Variants in STK3 observed in about 807,000 individuals in gnomAD.
The protein encoded by STK3 is serine/threonine-protein kinase 3.
STK3 carries 41 observed loss-of-function variants against 58.0 expected under a neutral mutation model. That is an observed-to-expected ratio of 0.71 (90% CI 0.55 to 0.92). STK3 has a LOEUF of 0.92. STK3 is among the 40% of genes least tolerant of loss of function. The pLI, the probability that STK3 is intolerant of heterozygous loss-of-function variation, is 0.00. For synonymous variants in STK3, 170 were observed against 191.0 expected, an observed-to-expected ratio of 0.89 and a Z score of 0.91; for missense variants, 479 against 602.7, an observed-to-expected ratio of 0.79 and a Z score of 2.15.
chr8:98,602,704 C>T (rs1437341973), intron 6 of STK3, among the ~76,000 whole-genome samples: 3 of 152,064 alleles, frequency 2.0e-5, no homozygotes, highest in African/African-American at 7.2e-5. Flanking sequence ...CCCCAAAATC[C>T]TGCTAAAGTA....
chr8:98,909,543 A>G (rs1209983314), intron 1 of STK3, among the ~76,000 whole-genome samples: 1 of 152,194 alleles, frequency 6.6e-6, no homozygotes, highest in Non-Finnish European at 1.5e-5. Context: ...CAAGTAACCT[A>G]TGATCTAATT....
intron 6 of STK3, among the ~76,000 whole-genome samples, chr8:98,701,769 C>T (rs976022513): frequency 6.6e-6 from 1 of 152,030 alleles, no homozygotes; most frequent in South Asian, 2.1e-4. Context: ...ATGTGGTTAA[C>T]TGAATTCAAA....
Position 98,716,265 on chromosome 8 carries a change from C to A in STK3, c.352-8954G>T, listed in dbSNP as rs572986085. ...TAACCTGCATGTTGTGCACATGTAC[C>A]CTAAAACTTAAAGTATAATAAAAAA... On this transcript the variant is annotated intron_variant, in intron 4 of 10. Transcript: ENST00000419617. Among the ~76,000 whole-genome samples, 116 of 151,652 alleles carry A rather than the reference C, an allele frequency of 7.6e-4. 1 individual carries two copies. The highest frequency in any genetic ancestry group is 2.8e-3 in the African/African-American group (115 of 41,302).
At chr8:98,544,025 A>G (rs1586823527) in intron 9 of STK3, among the ~76,000 whole-genome samples, 1 of 150,084 alleles carries the variant, frequency 6.7e-6, no homozygotes, top group South Asian at 2.1e-4. Flanking sequence ...GGAGTTTAGA[A>G]CATAAGAGAG....
intron 6 of STK3, among the ~76,000 whole-genome samples, chr8:98,649,390 C>A (rs1331484467): frequency 2.0e-5 from 3 of 152,070 alleles, no homozygotes; most frequent in Non-Finnish European, 2.9e-5. Flanking sequence ...TCCTGCATTT[C>A]CTATGTTGGT....
upstream of STK3, among the ~76,000 whole-genome samples, chr8:98,826,120 T>C (rs189251895): frequency 4.0e-3 from 610 of 152,302 alleles, 8 homozygotes; most frequent in Non-Finnish European, 1.9e-3. Context: ...CAAGTCCCTC[T>C]GAGCTGGCCC....
At chr8:98,500,887 T>C (rs1417507571) in intron 10 of STK3, among the ~76,000 whole-genome samples, 4 of 152,192 alleles carry the variant, frequency 2.6e-5, no homozygotes, top group East Asian at 1.9e-4. Context: ...CATGTGTCTT[T>C]ATAGTAGCAT....
chr8:98,815,918 G>A (rs564615602), intron 1 of STK3, among the ~76,000 whole-genome samples: 31 of 152,096 alleles, frequency 2.0e-4, no homozygotes, highest in African/African-American at 4.6e-4. Context: ...ATCCACAGCC[G>A]CTAACATCAC....
At chr8:98,669,397 A>T (rs1215747021) in intron 6 of STK3, among the ~76,000 whole-genome samples, 1 of 152,092 alleles carries the variant, frequency 6.6e-6, no homozygotes, top group Non-Finnish European at 1.5e-5. Flanking sequence ...CCTCTAATTG[A>T]TCATAACACC....
chr8:98,807,505 ACCT>A lies in STK3; in HGVS notation c.26+18007_26+18009del, dbSNP rs1245387635. The stretch of plus-strand genomic sequence containing the variant: ...ACTCCTGGCCTCAAGAGATCCAGCC[ACCT>A]CTGGCTCCCAAAGTACTGGGATTAC... On this transcript the variant is annotated intron_variant, in intron 1 of 10. Transcript: ENST00000419617. 3.3e-4 allele frequency among the ~76,000 whole-genome samples: 50 copies of A among 152,218 alleles called. No homozygotes were observed. In the Middle Eastern group the frequency reaches 0.01, roughly 31 times the overall value.
chr8:98,688,763 C>A (rs145860220), intron 6 of STK3, among the ~76,000 whole-genome samples: 1 of 151,994 alleles, frequency 6.6e-6, no homozygotes, highest in Non-Finnish European at 1.5e-5. Flanking sequence ...CTCTGGGATA[C>A]GGCAAAAGCA....
intron 8 of STK3, among the ~76,000 whole-genome samples, chr8:98,575,731 C>G (rs905975145): frequency 4.6e-5 from 7 of 151,808 alleles, no homozygotes; most frequent in African/African-American, 1.7e-4. Flanking sequence ...CTCAGCCTCC[C>G]AAAGTGCTGG....
chr8:98,469,892 T>G (rs991378032), intron 10 of STK3, among the ~76,000 whole-genome samples: 2 of 152,220 alleles, frequency 1.3e-5, no homozygotes, highest in Non-Finnish European at 2.9e-5. Context: ...CAAAAAATAT[T>G]AGTAACTGAC....
Position 98,579,762 on chromosome 8 carries a change from C to T in STK3, c.850G>A (p.Val284Ile), listed in dbSNP as rs1045946165. 3.4e-5 allele frequency: 54 copies of T among 1,583,312 alleles called. No homozygotes were observed. The highest frequency in any genetic ancestry group is 4.5e-5 in the Non-Finnish European group (53 of 1,171,074). ...GTGATCAGGTCTCTTAATATTGATACAGGTTTGGCATTCTTGATAAAAGGA... is the reference window on the plus strand; with the variant it reads ...GTGATCAGGTCTCTTAATATTGATATAGGTTTGGCATTCTTGATAAAAGGA... ...QHPFIKNAKP[V>I]SILRDLITEA... Residue 284 changes from valine to isoleucine, a missense_variant, in exon 8 of 11, where the codon GTA (valine) becomes ATA (isoleucine). Coordinates refer to ENST00000419617, the MANE Select transcript of STK3 (RefSeq NM_006281.4).
At chr8:98,572,986 T>C (rs1288198495) in intron 8 of STK3, among the ~76,000 whole-genome samples, 1 of 151,866 alleles carries the variant, frequency 6.6e-6, no homozygotes, top group Non-Finnish European at 1.5e-5. Context: ...ATATTTCCCC[T>C]CACCTTGAAT....
At chr8:98,398,328 CA>C (rs1302284516), downstream of STK3, among the ~76,000 whole-genome samples, 1 of 152,196 alleles carries the variant, frequency 6.6e-6, no homozygotes, top group Non-Finnish European at 1.5e-5. Flanking sequence ...TAAGGAACAT[CA>C]AAATTATGGT....
At chr8:98,768,050 T>C (rs1831053638) in intron 2 of STK3, among the ~76,000 whole-genome samples, 1 of 152,182 alleles carries the variant, frequency 6.6e-6, no homozygotes, top group Non-Finnish European at 1.5e-5. Context: ...TATTCACGTG[T>C]TTTAAAAAGC....
At chr8:98,374,906 G>A (rs1455950299) in intron 2 of STK3, among the ~76,000 whole-genome samples, 1 of 152,094 alleles carries the variant, frequency 6.6e-6, no homozygotes, top group Non-Finnish European at 1.5e-5. Context: ...AGGTCAGGGT[G>A]GCAGGAAGAC....
intron 4 of STK3, 101 bp from the exon 5 acceptor site, chr8:98,707,412 GTGT>G: frequency 1.3e-5 from 12 of 921,472 alleles, no homozygotes; most frequent in South Asian, 1.9e-5. Flanking sequence ...GTGTGTGTGT[GTGT>G]TTTTTTTTAA....
Sources: allele counts gnomAD v4.1 joint callset (sites outside exome capture counted in the v4.1 genomes callset), GRCh38; gene constraint gnomAD v4.1.1; transcripts MANE v1.5; gene names NCBI Gene and HGNC (gene_info 2026-07-23, HGNC 2026-07-21).